ROBO2: variants seen among roughly 807,000 people sequenced by gnomAD.
ROBO2 encodes the protein roundabout homolog 2.
A neutral mutation model predicts 160.8 loss-of-function variants in ROBO2; 53 were observed. The ratio of observed to expected loss-of-function variants is 0.33; its 90% CI spans 0.26 to 0.41. The LOEUF is 0.41. ROBO2 is among the 10% of genes least tolerant of loss of function. The pLI, the probability that ROBO2 is intolerant of heterozygous loss-of-function variation, is 1.00. For synonymous variants in ROBO2, 664 were observed against 611.7 expected (o/e 1.09, Z -1.26); for missense variants, 1,577 against 1,722.4 (o/e 0.92, Z 1.49).
chr3:76,784,420 G>C (rs1018352021), intron 2 of ROBO2, among the ~76,000 whole-genome samples: 2 of 151,086 alleles, frequency 1.3e-5, no homozygotes, highest in Admixed American at 1.3e-4. Context: ...TTGGTGCTGA[G>C]AGCCTCTCAT....
intron 2 of ROBO2, among the ~76,000 whole-genome samples, chr3:76,766,391 T>G (rs1444261897): frequency 6.6e-6 from 1 of 151,672 alleles, no homozygotes; most frequent in Admixed American, 6.6e-5. Flanking sequence ...AGTAATAATG[T>G]GAAGAAGGCC....
intron 2 of ROBO2, among the ~76,000 whole-genome samples, chr3:76,698,364 A>C (rs2092976339): frequency 6.6e-6 from 1 of 152,186 alleles, no homozygotes; most frequent in South Asian, 2.1e-4. Flanking sequence ...AAGCAGAGTG[A>C]GGATAGTGAC....
chr3:76,678,756 T>G (rs1281416689), intron 2 of ROBO2, among the ~76,000 whole-genome samples: 2 of 152,138 alleles, frequency 1.3e-5, no homozygotes, highest in East Asian at 3.9e-4. Flanking sequence ...GCTCAGCCGC[T>G]AATATTGGTA....
chr3:76,467,830 T>C (rs569725667), intron 2 of ROBO2, among the ~76,000 whole-genome samples: 130 of 152,250 alleles, frequency 8.5e-4, no homozygotes, highest in African/African-American at 2.8e-3. Context: ...TAGGGATTTG[T>C]CTTAAGCAAT....
intron 5 of ROBO2, among the ~76,000 whole-genome samples, chr3:77,503,755 A>G (rs975343231): frequency 2.0e-5 from 3 of 151,908 alleles, no homozygotes; most frequent in African/African-American, 7.2e-5. Flanking sequence ...TCATTTTTTT[A>G]AAACTATGTA....
chr3:77,134,573 C>T lies in ROBO2; in HGVS notation c.388+36233C>T, dbSNP rs74661593. Reference sequence around the variant, plus strand: ...GGCACAGACACAGGCTCTATCTATGCCCCTTTCAATTATAAACCAACAGCT... The same window carrying T: ...GGCACAGACACAGGCTCTATCTATGTCCCTTTCAATTATAAACCAACAGCT... On this transcript the variant is annotated intron_variant, in intron 2 of 25. Transcript: ENST00000461745. Among the ~76,000 whole-genome samples the T allele has an allele frequency of 4.6e-3, 701 of 152,244 alleles. 5 individuals carry two copies. Among genetic ancestry groups the T allele is most frequent in the East Asian group, 0.027 (141 of 5,162 alleles).
At chr3:77,161,183 T>C (rs910897638) in intron 2 of ROBO2, among the ~76,000 whole-genome samples, 6 of 152,178 alleles carry the variant, frequency 3.9e-5, no homozygotes, top group African/African-American at 1.4e-4. Context: ...GTTGTTTGTT[T>C]AGGTGTTGAG....
chr3:76,739,305 A>AAATGATG (rs2093763854), intron 2 of ROBO2, among the ~76,000 whole-genome samples: 1 of 152,192 alleles, frequency 6.6e-6, no homozygotes, highest in Non-Finnish European at 1.5e-5. Context: ...CAGCCATAAA[A>AAATGATG]AATGATGAGT....
At chr3:76,163,448 A>T (rs546481334) in intron 2 of ROBO2, among the ~76,000 whole-genome samples, 134 of 150,294 alleles carry the variant, frequency 8.9e-4, no homozygotes, top group African/African-American at 3.2e-3. Flanking sequence ...TTTTATATGG[A>T]TATTTGCATA....
intron 2 of ROBO2, among the ~76,000 whole-genome samples, chr3:75,971,051 TA>T (rs1197002478): frequency 2.1e-4 from 31 of 149,656 alleles, no homozygotes; most frequent in Admixed American, 4.7e-4. Context: ...CTTCTTAAAA[TA>T]AAAAAAAAAT....
intron 2 of ROBO2, among the ~76,000 whole-genome samples, chr3:76,122,253 T>C (rs1004276854): frequency 2.0e-5 from 3 of 151,964 alleles, no homozygotes; most frequent in Non-Finnish European, 4.4e-5. Flanking sequence ...TTATTTTCTC[T>C]GTGGCTATTA....
intron 2 of ROBO2, among the ~76,000 whole-genome samples, chr3:76,131,695 C>G (rs1265251152): frequency 6.6e-6 from 1 of 152,112 alleles, no homozygotes; most frequent in Non-Finnish European, 1.5e-5. Context: ...CACTGCAACA[C>G]AGAGGATGAC....
chr3:76,474,331 C>T (rs1329182816), intron 2 of ROBO2, among the ~76,000 whole-genome samples: 1 of 151,900 alleles, frequency 6.6e-6, no homozygotes, highest in Admixed American at 6.6e-5. Flanking sequence ...TATTATATAC[C>T]AGTATTTAGG....
At chr3:77,609,278 A>C (rs2094581316) in intron 21 of ROBO2, among the ~76,000 whole-genome samples, 1 of 152,072 alleles carries the variant, frequency 6.6e-6, no homozygotes, top group African/African-American at 2.4e-5. Flanking sequence ...CTAACATAAA[A>C]AATAAAATTC....
At chr3:76,547,108 A>C in intron 2 of ROBO2, among the ~76,000 whole-genome samples, 1 of 152,120 alleles carries the variant, frequency 6.6e-6, no homozygotes. Flanking sequence ...TTCTTGATAC[A>C]GTCCAACTAG....
intron 2 of ROBO2, among the ~76,000 whole-genome samples, chr3:77,140,277 G>A (rs531518091): frequency 6.6e-6 from 1 of 152,030 alleles, no homozygotes; most frequent in Non-Finnish European, 1.5e-5. Flanking sequence ...TGGGAGGGGG[G>A]ACAAATAATG....
chr3:77,592,157 A>C (rs2094195889), intron 17 of ROBO2, among the ~76,000 whole-genome samples: 1 of 152,208 alleles, frequency 6.6e-6, no homozygotes, highest in Non-Finnish European at 1.5e-5. Flanking sequence ...GTTTTTAAAA[A>C]AATTCTGACA....
intron 2 of ROBO2, among the ~76,000 whole-genome samples, chr3:76,491,763 C>A (rs192976527): frequency 1.3e-5 from 2 of 152,100 alleles, no homozygotes; most frequent in Admixed American, 6.6e-5. Flanking sequence ...TTTTCCCTCT[C>A]CTCAGTACTT....
chr3:76,446,220 A>C (rs1436713503), intron 2 of ROBO2, among the ~76,000 whole-genome samples: 2 of 152,188 alleles, frequency 1.3e-5, no homozygotes, highest in Non-Finnish European at 2.9e-5. Context: ...ATGTGCAAAA[A>C]TCACAAGCAT....
Sources: gnomAD v4.1 joint callset for allele counts (sites outside exome capture counted in the v4.1 genomes callset) on GRCh38, gnomAD v4.1.1 for gene constraint, MANE v1.5 for transcripts, NCBI Gene and HGNC (gene_info 2026-07-23, HGNC 2026-07-21) for gene names.